HACE1: variants seen among roughly 807,000 people sequenced by gnomAD.
The protein encoded by HACE1 is E3 ubiquitin-protein ligase HACE1.
In HACE1, 73 loss-of-function variants were observed where a neutral mutation model predicts 118.4. The observed-to-expected ratio is 0.62, with a 90% CI of 0.51 to 0.75. HACE1 has a LOEUF of 0.75. HACE1 is among the 30% of genes least tolerant of loss of function. The probability of loss-of-function intolerance (pLI) is 0.00; values close to 1 mark genes in which losing one functional copy is unlikely to be tolerated. For synonymous variants in HACE1, 368 were observed against 374.8 expected, an observed-to-expected ratio of 0.98 and a Z score of 0.21; for missense variants, 749 against 1,102.2, an observed-to-expected ratio of 0.68 and a Z score of 4.54.
Position 104,730,395 on chromosome 6 carries a change from C to T in HACE1, c.2535G>A (p.Gly845=). 1 of 1,560,848 alleles carries T rather than the reference C, an allele frequency of 6.4e-7. No individual in the cohort carries two copies. The change falls in exon 23 of 24, where the codon GGG becomes GGA. Residue 845 remains glycine, a synonymous_variant. Transcript: ENST00000262903. ...VTGSSRVPHG[G]FANIMGGSGL... ...CACTTCCACCCATGATATTAGCAAA[C>T]CCACCATGTGGGACCCTGGAACTAA...
rs771285089 is a variant in HACE1 at position 104,744,548 on chromosome 6, G to A, written c.2406C>T (p.Tyr802=). The A allele has an allele frequency of 7.5e-6, 12 of 1,601,890 alleles. No individual in the cohort carries two copies. The highest frequency in any genetic ancestry group is 2.2e-5 in the East Asian group (1 of 44,712). The change falls in exon 21 of 24, where the codon TAC becomes TAT. Residue 802 remains tyrosine (Y), a synonymous_variant. Transcript: ENST00000262903. Reference sequence around the variant, plus strand: ...GATCTTCTCTTTCATAGCCACTTGTGTATTCTGTATTTTTTATCCAATCAC... The same window carrying A: ...GATCTTCTCTTTCATAGCCACTTGTATATTCTGTATTTTTTATCCAATCAC... ...DVSDWIKNTE[Y]TSGYEREDPV...
chr6:104,737,241 C>CCACTGCACTCCA (rs1775953501), intron 22 of HACE1, among the ~76,000 whole-genome samples: 2 of 141,934 alleles, frequency 1.4e-5, no homozygotes, highest in African/African-American at 5.3e-5. Flanking sequence ...GCAGATCGAG[C>CCACTGCACTCCA]CACTGCACTC....
Position 104,843,281 on chromosome 6 carries a change from C to T in HACE1, c.344G>A (p.Ser115Asn), listed in dbSNP as rs943402383. The T allele has an allele frequency of 6.5e-6, 10 of 1,527,230 alleles. No homozygotes were observed. The highest frequency in any genetic ancestry group is 2.3e-5 in the East Asian group (1 of 44,438). 94.6% of individuals were successfully genotyped at this position (1,527,230 alleles called of 1,614,324 possible). ...AARNGQKKCMSKLLEYSADVN... is the reference protein window; with the variant it reads ...AARNGQKKCMNKLLEYSADVN... ...ATCAGCGCTATATTCTAATAATTTA[C>T]TCATACATTTCTTCTGCCTGAAAAG... Residue 115 changes from serine to asparagine, a missense_variant, in exon 5 of 24, where the codon AGT (serine) becomes AAT (asparagine). Coordinates refer to ENST00000262903, the MANE Select transcript of HACE1 (RefSeq NM_020771.4).
chr6:104,829,572 A>ATGTT (rs1773657923), intron 6 of HACE1, among the ~76,000 whole-genome samples: 1 of 152,186 alleles, frequency 6.6e-6, no homozygotes, highest in Non-Finnish European at 1.5e-5. Context: ...CATTCCCTTT[A>ATGTT]TGTTTATATG....
chr6:104,825,817 T>C (rs951017623), intron 6 of HACE1, among the ~76,000 whole-genome samples: 1 of 152,248 alleles, frequency 6.6e-6, no homozygotes, highest in African/African-American at 2.4e-5. Flanking sequence ...ATTACTTGTT[T>C]GTGTATTTTG....
chr6:104,732,706 T>TAC (rs33956141), intron 22 of HACE1, among the ~76,000 whole-genome samples: 34,102 of 151,888 alleles, frequency 0.22, 4,917 homozygotes, highest in African/African-American at 0.42. Context: ...GATATGCATT[T>TAC]ACACACACAC....
intron 1 of HACE1, among the ~76,000 whole-genome samples, chr6:104,854,144 A>G (rs938495945): frequency 1.3e-5 from 2 of 152,170 alleles, no homozygotes; most frequent in African/African-American, 4.8e-5. Context: ...ATGTCAGAAA[A>G]GCCCAAATTA....
chr6:104,845,607 A>G (rs1775587685), intron 4 of HACE1, among the ~76,000 whole-genome samples: 1 of 151,246 alleles, frequency 6.6e-6, no homozygotes, highest in African/African-American at 2.4e-5. Flanking sequence ...CCTCCTGAGT[A>G]GCTGGGACTA....
intron 19 of HACE1, among the ~76,000 whole-genome samples, chr6:104,761,543 C>A (rs950233984): frequency 2.0e-5 from 3 of 152,052 alleles, no homozygotes; most frequent in African/African-American, 7.2e-5. Context: ...ATACAAAAAT[C>A]AACTCAAGAC....
chr6:104,729,666 G>A lies in HACE1; in HGVS notation c.2726C>T (p.Ala909Val). The A allele has an allele frequency of 7.2e-7, 1 of 1,397,582 alleles. No individual in the cohort carries two copies. The highest frequency in any genetic ancestry group is 1.0e-6 in the Non-Finnish European group (1 of 982,278). The allele number at this position is 1,397,582 out of a possible 1,614,324, so 86.6% of individuals were successfully genotyped here. A position where few individuals can be genotyped will look rare whatever the true frequency, so the allele number is the denominator to read the frequency against. The change falls in exon 24 of 24, where the codon GCA (alanine) becomes GTA (valine). Residue 909 changes from alanine (A) to valine (V), a missense_variant. Physicochemically the swap from Ala to Val is moderately conservative, Grantham distance 64. This residue lies in a region of HACE1 where 165 missense variants were observed against 229.9 expected (regional missense o/e 0.72). Transcript: ENST00000262903. Reference protein sequence around the residue: ...LHCGSYGYTMA With the variant: ...LHCGSYGYTMV ...AGAGGAGTTTTCCAGACTTCATTAT[G>A]CCATTGTGTAACCATAGCTGCCACA...
At chr6:104,852,466 A>T in intron 1 of HACE1, 95 bp from the exon 2 acceptor site, 1 of 757,946 alleles carries the variant, frequency 1.3e-6, no homozygotes, top group South Asian at 1.5e-5. Flanking sequence ...TCTATACAAA[A>T]AGCGAAAAGG....
At chr6:104,762,298 C>T (rs1449685815) in intron 19 of HACE1, among the ~76,000 whole-genome samples, 1 of 152,134 alleles carries the variant, frequency 6.6e-6, no homozygotes, top group Middle Eastern at 3.2e-3. Context: ...TGGAACCAAC[C>T]CAAATGTCCA....
At chr6:104,758,391 T>C (rs1004445465) in intron 19 of HACE1, among the ~76,000 whole-genome samples, 1 of 152,304 alleles carries the variant, frequency 6.6e-6, no homozygotes, top group East Asian at 1.9e-4. Context: ...TGGGGGCCAA[T>C]ATTCAGTATT....
At chr6:104,833,608 T>C (rs1033926699) in intron 5 of HACE1, among the ~76,000 whole-genome samples, 5 of 152,150 alleles carry the variant, frequency 3.3e-5, no homozygotes, top group African/African-American at 1.2e-4. Context: ...CTTTGGGAAG[T>C]TGAGGCAAGA....
chr6:104,814,229 A>C (rs1771891961), intron 6 of HACE1, among the ~76,000 whole-genome samples: 1 of 137,698 alleles, frequency 7.3e-6, no homozygotes, highest in South Asian at 2.2e-4. Flanking sequence ...AAGGCTCAAC[A>C]CGTGTCTAGT....
rs1035216906 is a variant in HACE1, at chr6:104,728,571, A to C, written c.*1091T>G. The C allele has an allele frequency of 2.0e-5, 3 of 152,230 alleles. No individual in the cohort carries two copies. The highest frequency in any genetic ancestry group is 7.2e-5 in the African/African-American group (3 of 41,466). The allele number at this position is 152,230 out of a possible 1,614,324, so 9.4% of individuals were successfully genotyped here. ...GAAAATCTGCATATGTCATTCTACA[A>C]ACAGTAATGTCATTAATATTCTATT... On this transcript the variant is annotated 3_prime_UTR_variant, in exon 24 of 24. Coordinates refer to ENST00000262903, the MANE Select transcript of HACE1 (RefSeq NM_020771.4).
At chr6:104,787,573 A>G (rs2114814974) in intron 11 of HACE1, among the ~76,000 whole-genome samples, 1 of 152,354 alleles carries the variant, frequency 6.6e-6, no homozygotes, top group South Asian at 2.1e-4. Flanking sequence ...AAACTGCTTG[A>G]AACAAAAAGA....
At chr6:104,784,341 T>C (rs1782106857) in intron 13 of HACE1, 76 bp downstream of exon 13, 1 of 1,023,962 alleles carries the variant, frequency 9.8e-7, no homozygotes, top group Non-Finnish European at 1.6e-6. Flanking sequence ...AGAAATAGTA[T>C]TTTTTCTGTT....
At chr6:104,806,139 A>C (rs1431152253) in intron 7 of HACE1, among the ~76,000 whole-genome samples, 2 of 152,186 alleles carry the variant, frequency 1.3e-5, no homozygotes, top group African/African-American at 4.8e-5. Context: ...CAGAAATCTC[A>C]TTTATGTTCA....
Sources: allele counts gnomAD v4.1 joint callset (sites outside exome capture counted in the v4.1 genomes callset), GRCh38; gene constraint gnomAD v4.1.1; regional missense constraint gnomAD v4.1.1; transcripts MANE v1.5; gene names NCBI Gene and HGNC (gene_info 2026-07-23, HGNC 2026-07-21).